The following BEST1 variants were observed in gnomAD, a reference collection of about 807,000 sequenced individuals.
The protein encoded by BEST1 is bestrophin 1, also known as bestrophin-1.
A neutral mutation model predicts 63.3 loss-of-function variants in BEST1; 58 were observed. That is an observed-to-expected ratio of 0.92 (90% CI 0.74 to 1.14). The LOEUF is 1.14. Among genes scored for constraint, BEST1 ranks in the 50% most tolerant of loss-of-function variants. BEST1 has a pLI of 0.00. For synonymous variants in BEST1, 283 were observed against 291.6 expected, an observed-to-expected ratio of 0.97 and a Z score of 0.30; for missense variants, 671 against 740.1, an observed-to-expected ratio of 0.91 and a Z score of 1.08.
chr11:61,957,282 A>G lies in BEST1; in HGVS notation c.637-105A>G, dbSNP rs1456144269. 12 of 1,123,310 alleles carry G rather than the reference A, an allele frequency of 1.1e-5. No individual in the cohort carries two copies. The East Asian group carries it at 2.8e-4, about 26-fold the overall frequency. 69.6% of individuals were successfully genotyped at this position (1,123,310 alleles called of 1,614,324 possible). A position where few individuals can be genotyped will look rare whatever the true frequency, so the allele number is the denominator to read the frequency against. On this transcript the variant is annotated intron_variant, in intron 5 of 10. Transcript: ENST00000378043. ...GCTTCCCATGGCCACACAGCCAGGA[A>G]TGGACCATAGGTACCAGGCCCTGGT... is the stretch of plus-strand genomic sequence containing the variant.
rs148060787 is a variant in BEST1, at chr11:61,962,853, C to T, written c.1699C>T (p.Leu567Phe). The T allele has an allele frequency of 4.7e-4, 759 of 1,614,206 alleles. 2 individuals are homozygous for T. The highest frequency in any genetic ancestry group is 2.5e-3 in the Middle Eastern group (15 of 6,062). The change falls in exon 10 of 11, where the codon CTC (leucine) becomes TTC (phenylalanine). Residue 567 changes from leucine (L) to phenylalanine (F), a missense_variant. Coordinates refer to ENST00000378043, the MANE Select transcript of BEST1 (RefSeq NM_004183.4). ...ATCACCAACCAACATACACACTACA[C>T]TCAAAGATCACATGGATCCTTATTG... ...EQSPTNIHTT[L>F]KDHMDPYWAL...
chr11:61,964,684 C>G, downstream of BEST1: 4 of 1,594,702 alleles, frequency 2.5e-6, no homozygotes, highest in Non-Finnish European at 3.4e-6. Context: ...GCCTTGGTGA[C>G]CAGGGAAGTC....
chr11:61,955,620 C>A, intron 3 of BEST1, 98 bp from the exon 4 acceptor site: 1 of 1,350,110 alleles, frequency 7.4e-7, no homozygotes, highest in Non-Finnish European at 1.0e-6. Flanking sequence ...CCGCTCGCAG[C>A]AGAAAGCTGG....
chr11:61,955,842 GCGGCGCA>G lies in BEST1; in HGVS notation c.375_381del (p.Arg126SerfsTer36). 1 of 1,550,496 alleles carries G rather than the reference GCGGCGCA, an allele frequency of 6.4e-7. No individual in the cohort carries two copies. On this transcript the variant is annotated frameshift_variant, in exon 4 of 11. Coordinates refer to ENST00000378043, the MANE Select transcript of BEST1 (RefSeq NM_004183.4). LOFTEE classifies it high-confidence loss of function. ...GCAAGGACGAGCAAGGCCGGCTGCT[GCGGCGCA>G]CGCTCATCCGCTACGCCAACCTGGG...
chr11:61,959,244 C>T (rs1334027695), intron 7 of BEST1: 2 of 559,148 alleles, frequency 3.6e-6, no homozygotes, highest in South Asian at 2.0e-5. Flanking sequence ...GTGACTCAGC[C>T]GAGTGATACA....
rs1591294192 is a variant in BEST1 at position 61,958,064 on chromosome 11, C to T, written c.715-82C>T. ...TCAGAACAAGGCCTTGGTCTCCTGTCTCAGACTCCCAGCCCCTGGAGCATC... is the reference window on the plus strand; with the variant it reads ...TCAGAACAAGGCCTTGGTCTCCTGTTTCAGACTCCCAGCCCCTGGAGCATC... On this transcript the variant is annotated intron_variant, in intron 6 of 10. Coordinates refer to ENST00000378043, the MANE Select transcript of BEST1 (RefSeq NM_004183.4). 3.1e-6 allele frequency: 5 copies of T among 1,607,258 alleles called. No homozygotes were observed. The East Asian group carries it at 1.1e-4, about 36-fold the overall frequency.
chr11:61,959,612 C>A (rs1941828002), intron 8 of BEST1, 34 bp downstream of exon 8: 1 of 1,610,598 alleles, frequency 6.2e-7, no homozygotes, highest in Non-Finnish European at 8.5e-7. Context: ...ATACCATGGA[C>A]CTTCCCCAAA....
In BEST1 at chr11:61,955,098, C is replaced by A. The variant is rs763090309; in HGVS notation, c.153-9C>A. 1.2e-6 allele frequency: 2 copies of A among 1,613,974 alleles called. No homozygotes were observed. Among genetic ancestry groups the A allele is most frequent in the Non-Finnish European group, 1.7e-6 (2 of 1,179,934 alleles). Reference sequence around the variant, plus strand: ...GTCCACACAATTCCACCCCCACCCCCACCCCCAGGCTGGCCCTCACGGAAG... The same window carrying A: ...GTCCACACAATTCCACCCCCACCCCAACCCCCAGGCTGGCCCTCACGGAAG... On this transcript the variant is annotated splice_polypyrimidine_tract_variant and intron_variant, in intron 2 of 10. Coordinates refer to ENST00000378043, the MANE Select transcript of BEST1 (RefSeq NM_004183.4).
chr11:61,964,143 C>A lies in BEST1; in HGVS notation c.*21C>A. The A allele has an allele frequency of 1.2e-6, 2 of 1,613,806 alleles. No individual in the cohort carries two copies. Among genetic ancestry groups the A allele is most frequent in the Non-Finnish European group, 1.7e-6 (2 of 1,180,004 alleles). ...CCTAACCTGCTTCCTAATGGGGATG[C>A]TTCGCCAGCCAGGTCCTCACCTGTG... is the stretch of plus-strand genomic sequence containing the variant. On this transcript the variant is annotated 3_prime_UTR_variant, in exon 11 of 11. Coordinates refer to ENST00000378043, the MANE Select transcript of BEST1 (RefSeq NM_004183.4).
rs180785158 is a variant in BEST1 at position 61,959,657 on chromosome 11, G to A, written c.948+79G>A. 815 of 1,509,236 alleles carry A rather than the reference G, an allele frequency of 5.4e-4. 4 individuals carry two copies. The African/African-American group carries it at 9.7e-3, about 18-fold the overall frequency. The allele number at this position is 1,509,236 out of a possible 1,614,324, so 93.5% of individuals were successfully genotyped here. ...AAGAGAGGACCCCACTGTTCTGTAG[G>A]GAGGCCTCACAGTGAATGATCAACC... On this transcript the variant is annotated intron_variant, in intron 8 of 10. Transcript: ENST00000378043.
In BEST1 at chr11:61,951,958, G is replaced by A. The variant is rs914504094; in HGVS notation, c.152G>A (p.Arg51Lys). The A allele has an allele frequency of 4.3e-6, 7 of 1,613,624 alleles. No individual in the cohort carries two copies. The highest frequency in any genetic ancestry group is 5.9e-6 in the Non-Finnish European group (7 of 1,179,960). The part of the protein sequence containing the change: ...LCYYIIRFIY[R>K]LALTEEQQLM... The stretch of plus-strand genomic sequence containing the variant: ...TACTACATCATCCGCTTTATTTATA[G>A]GTAAAGCTGGCAGGGCTGGGCCGGG... The change falls in exon 2 of 11, where the codon AGG (arginine) becomes AAG (lysine). Residue 51 changes from arginine (R) to lysine (K), a missense_variant and splice_region_variant. Coordinates refer to ENST00000378043, the MANE Select transcript of BEST1 (RefSeq NM_004183.4).
chr11:61,954,322 G>A (rs886904474), intron 2 of BEST1, among the ~76,000 whole-genome samples: 2 of 151,958 alleles, frequency 1.3e-5, no homozygotes, highest in South Asian at 2.1e-4. Context: ...AGTTCATAGC[G>A]TACAGCAGGG....
rs369484820 is a variant in BEST1, at chr11:61,955,760, A to G, written c.290A>G (p.Tyr97Cys). ...GTCGTGACCCGCTGGTGGAACCAGTACGAGAACCTGCCGTGGCCCGACCGC... is the reference window on the plus strand; with the variant it reads ...GTCGTGACCCGCTGGTGGAACCAGTGCGAGAACCTGCCGTGGCCCGACCGC... ...TLVVTRWWNQ[Y>C]ENLPWPDRLM... The change falls in exon 4 of 11, where the codon TAC becomes TGC. Residue 97 changes from tyrosine (Y) to cysteine (C), a missense_variant. By Grantham distance (194) the Tyr-to-Cys change is radical. Coordinates refer to ENST00000378043, the MANE Select transcript of BEST1 (RefSeq NM_004183.4). 7.1e-6 allele frequency: 11 copies of G among 1,549,026 alleles called. No individual in the cohort carries two copies. Among genetic ancestry groups the G allele is most frequent in the Non-Finnish European group, 9.6e-6 (11 of 1,146,836 alleles).
chr11:61,959,808 G>C (rs1420908151), intron 8 of BEST1, 84 bp from the exon 9 acceptor site: 1 of 1,567,098 alleles, frequency 6.4e-7, no homozygotes, highest in Non-Finnish European at 8.7e-7. Context: ...GAGAGAGGGA[G>C]AGATTCCTCC....
intron 6 of BEST1, 57 bp downstream of exon 6, chr11:61,957,521 G>A: frequency 1.3e-6 from 2 of 1,545,258 alleles, no homozygotes; most frequent in Middle Eastern, 1.7e-4. Flanking sequence ...GAAGGACCAA[G>A]GAAGCAGCTG....
Position 61,956,998 on chromosome 11 carries a change from C to G in BEST1, c.636C>G (p.Asn212Lys). Residue 212 changes from asparagine to lysine, a missense_variant and splice_region_variant, in exon 5 of 11, where the codon AAC (asparagine) becomes AAG (lysine). By Grantham distance (94) the Asn-to-Lys change is moderately conservative. Transcript: ENST00000378043. Reference sequence around the variant, plus strand: ...CTATCCTGCTCCAGAGCCTGCTGAACGTGAGCCCACTGTACAGACAGGGCT... The same window carrying G: ...CTATCCTGCTCCAGAGCCTGCTGAAGGTGAGCCCACTGTACAGACAGGGCT... The part of the protein sequence containing the change: ...RDPILLQSLL[N>K]EMNTLRTQCG... 1 of 1,614,080 alleles carries G rather than the reference C, an allele frequency of 6.2e-7. No individual in the cohort carries two copies.
At position 61,955,965 on chromosome 11, in the gene BEST1, G is replaced by A; in HGVS notation, c.481+14G>A. 3 of 1,543,026 alleles carry A rather than the reference G, an allele frequency of 1.9e-6. No homozygotes were observed. Among genetic ancestry groups the A allele is most frequent in the Non-Finnish European group, 2.6e-6 (3 of 1,142,596 alleles). ...TGGTGCAAGCAGGTGGGCGGACCGG[G>A]AGCAACGGGGAGGCACCGGGCAGAG... On this transcript the variant is annotated intron_variant, in intron 4 of 10. Coordinates refer to ENST00000378043, the MANE Select transcript of BEST1 (RefSeq NM_004183.4).
chr11:61,963,156 G>A, intron 10 of BEST1: 2 of 1,451,472 alleles, frequency 1.4e-6, no homozygotes, highest in Non-Finnish European at 1.8e-6. Flanking sequence ...ATGAGGTTGT[G>A]CTGACCAGAA....
At chr11:61,956,821 GC>G in intron 4 of BEST1, 22 bp from the exon 5 acceptor site, 1 of 1,613,810 alleles carries the variant, frequency 6.2e-7, no homozygotes, top group Non-Finnish European at 8.5e-7. Context: ...CCCACCCACC[GC>G]CTTCTTCACT....
Sources: gnomAD v4.1 joint callset for allele counts (sites outside exome capture counted in the v4.1 genomes callset) on GRCh38, gnomAD v4.1.1 for gene constraint, MANE v1.5 for transcripts, NCBI Gene and HGNC (gene_info 2026-07-23, HGNC 2026-07-21) for gene names.